Variants in CPA6 observed in about 807,000 individuals in gnomAD.
CPA6 encodes the protein carboxypeptidase A6.
CPA6 carries 58 observed loss-of-function variants against 63.3 expected under a neutral mutation model. That is an observed-to-expected ratio of 0.92 (90% CI 0.74 to 1.14). The LOEUF is 1.14. Among genes scored for constraint, CPA6 ranks in the 50% most tolerant of loss-of-function variants. The pLI, the probability that CPA6 is intolerant of heterozygous loss-of-function variation, is 0.00. For missense variants in CPA6, 565 were observed against 526.6 expected (o/e 1.07, Z -0.71); for synonymous variants, 185 against 179.0 (o/e 1.03, Z -0.27).
chr8:67,629,231 C>A (rs1190460265), intron 1 of CPA6, among the ~76,000 whole-genome samples: 1 of 151,942 alleles, frequency 6.6e-6, no homozygotes, highest in Admixed American at 6.6e-5. Context: ...ACTTGGGAGG[C>A]TGAGGTAGGA....
At chr8:67,669,293 C>G (rs137989626) in intron 1 of CPA6, among the ~76,000 whole-genome samples, 1 of 152,152 alleles carries the variant, frequency 6.6e-6, no homozygotes, top group Non-Finnish European at 1.5e-5. Context: ...CTTGTTCTTA[C>G]GTGTGGCAAT....
At chr8:67,475,911 TTTC>T (rs1241082177) in intron 8 of CPA6, among the ~76,000 whole-genome samples, 1,321 of 103,584 alleles carry the variant, frequency 0.013, 82 homozygotes, top group African/African-American at 0.052. Context: ...TCTTTCTTTC[TTTC>T]TTTCTTTCTT....
chr8:67,590,484 G>T (rs1814088343), intron 2 of CPA6, among the ~76,000 whole-genome samples: 1 of 151,540 alleles, frequency 6.6e-6, no homozygotes, highest in Non-Finnish European at 1.5e-5. Flanking sequence ...CACAATGGTT[G>T]AACTAGTTTA....
intron 2 of CPA6, among the ~76,000 whole-genome samples, chr8:67,539,012 T>C (rs1444645471): frequency 6.6e-6 from 1 of 152,226 alleles, no homozygotes; most frequent in Non-Finnish European, 1.5e-5. Flanking sequence ...TGATTAATGA[T>C]GTTATGTGTG....
intron 3 of CPA6, among the ~76,000 whole-genome samples, chr8:67,516,772 TCTGA>T (rs1007693218): frequency 6.6e-6 from 1 of 152,136 alleles, no homozygotes; most frequent in African/African-American, 2.4e-5. Context: ...TTTCAGCTCC[TCTGA>T]CTGTCTTCCA....
At chr8:67,446,191 G>A (rs962956718) in intron 8 of CPA6, among the ~76,000 whole-genome samples, 5 of 151,714 alleles carry the variant, frequency 3.3e-5, no homozygotes, top group Admixed American at 6.6e-5. Flanking sequence ...GCTTGAACCC[G>A]GGAGGCAGAG....
chr8:67,592,147 C>T (rs193204223), intron 2 of CPA6, among the ~76,000 whole-genome samples: 3,403 of 152,118 alleles, frequency 0.022, 131 homozygotes, highest in African/African-American at 0.076. Flanking sequence ...GAGATAATCA[C>T]GTGGTTTTTG....
In CPA6 at chr8:67,607,204, CT is replaced by C. The variant is rs1564021305; in HGVS notation, c.192+16971del. ...TCTTCTTCTTCTTCTTCTTCTTCTT[CT>C]TCTTCTTCTTCTTCTTCTTCTTCTT... On this transcript the variant is annotated intron_variant, in intron 2 of 10. Coordinates refer to ENST00000297770, the MANE Select transcript of CPA6 (RefSeq NM_020361.5). Among the ~76,000 whole-genome samples, 12 of 89,286 alleles carry C rather than the reference CT, an allele frequency of 1.3e-4. 1 individual carries two copies. The highest frequency in any genetic ancestry group is 4.3e-4 in the African/African-American group (9 of 21,120). The allele number at this position is 89,286 out of a possible 152,430, so 58.6% of individuals were successfully genotyped here. A position where few individuals can be genotyped will look rare whatever the true frequency, so the allele number is the denominator to read the frequency against.
At chr8:67,700,973 C>A (rs886286975) in intron 1 of CPA6, among the ~76,000 whole-genome samples, 2 of 152,024 alleles carry the variant, frequency 1.3e-5, no homozygotes, top group Non-Finnish European at 2.9e-5. Context: ...TAAATATATT[C>A]TATGACTTTA....
intron 2 of CPA6, among the ~76,000 whole-genome samples, chr8:67,529,163 A>G (rs529897210): frequency 6.6e-6 from 1 of 151,140 alleles, no homozygotes; most frequent in African/African-American, 2.4e-5. Context: ...CTTCCTATTT[A>G]AAAAAAAATG....
intron 1 of CPA6, among the ~76,000 whole-genome samples, chr8:67,632,232 A>G (rs1815357179): frequency 6.6e-6 from 1 of 151,820 alleles, no homozygotes; most frequent in Non-Finnish European, 1.5e-5. Flanking sequence ...GTGCAGGGGC[A>G]TGATCACAGC....
At chr8:67,447,518 C>T (rs1472360208) in intron 8 of CPA6, among the ~76,000 whole-genome samples, 1 of 145,052 alleles carries the variant, frequency 6.9e-6, no homozygotes, top group African/African-American at 2.8e-5. Context: ...CACACACACA[C>T]ACACACACAC....
At chr8:67,579,361 C>G (rs1383879939) in intron 2 of CPA6, among the ~76,000 whole-genome samples, 1 of 152,074 alleles carries the variant, frequency 6.6e-6, no homozygotes. Flanking sequence ...TGCAGTGAGC[C>G]GAGATTGTGC....
chr8:67,661,045 T>G (rs1385528507), intron 1 of CPA6, among the ~76,000 whole-genome samples: 1 of 152,218 alleles, frequency 6.6e-6, no homozygotes, highest in African/African-American at 2.4e-5. Context: ...TTTATTCAAG[T>G]ATTTACTGAA....
chr8:67,534,247 A>T (rs1452504645), intron 2 of CPA6, among the ~76,000 whole-genome samples: 1 of 152,066 alleles, frequency 6.6e-6, no homozygotes, highest in Non-Finnish European at 1.5e-5. Flanking sequence ...TATGTCATGG[A>T]TACTGTCCAA....
chr8:67,472,810 G>A (rs1811092954), intron 8 of CPA6, among the ~76,000 whole-genome samples: 2 of 152,156 alleles, frequency 1.3e-5, no homozygotes, highest in South Asian at 4.1e-4. Context: ...TGCAATAGAT[G>A]TTATAAATAA....
intron 1 of CPA6, among the ~76,000 whole-genome samples, chr8:67,714,437 T>C (rs142502691): frequency 1.3e-3 from 205 of 152,326 alleles, no homozygotes; most frequent in Non-Finnish European, 2.4e-3. Flanking sequence ...GGCATAACGT[T>C]TAAAGCTTAA....
intron 1 of CPA6, among the ~76,000 whole-genome samples, chr8:67,662,977 C>T (rs1816150286): frequency 6.6e-6 from 1 of 152,156 alleles, no homozygotes; most frequent in Non-Finnish European, 1.5e-5. Flanking sequence ...AAGTCAAAGT[C>T]TGTTCTCTAA....
intron 2 of CPA6, among the ~76,000 whole-genome samples, chr8:67,571,683 C>A (rs1813489113): frequency 6.6e-6 from 1 of 152,064 alleles, no homozygotes. Context: ...TTGTGTAATG[C>A]AGCAAAAGCA....
Sources: allele counts gnomAD v4.1 joint callset (sites outside exome capture counted in the v4.1 genomes callset), GRCh38; gene constraint gnomAD v4.1.1; transcripts MANE v1.5; gene names NCBI Gene and HGNC (gene_info 2026-07-23, HGNC 2026-07-21).